EFNB2: variants seen among roughly 807,000 people sequenced by gnomAD.
The protein encoded by EFNB2 is ephrin B2, also known as ephrin-B2.
A neutral mutation model predicts 32.1 loss-of-function variants in EFNB2; 5 were observed. That is an observed-to-expected ratio of 0.16 (90% confidence interval 0.08 to 0.33). EFNB2 has a LOEUF of 0.33. Ranked by LOEUF, EFNB2 falls within the 10% of genes least tolerant of loss-of-function variation. The pLI is 1.00. For missense variants in EFNB2, 263 were observed against 422.6 expected (o/e 0.62, Z 3.31); for synonymous variants, 168 against 166.5 (o/e 1.01, Z -0.07).
At chr13:106,531,333 GAAC>G (rs939539701) in intron 1 of EFNB2, among the ~76,000 whole-genome samples, 32 of 152,228 alleles carry the variant, frequency 2.1e-4, no homozygotes, top group African/African-American at 7.5e-4. Flanking sequence ...TTGTCCTGCA[GAAC>G]AACGACAGTC....
At chr13:106,522,164 G>A (rs1280821557) in intron 1 of EFNB2, among the ~76,000 whole-genome samples, 1 of 152,142 alleles carries the variant, frequency 6.6e-6, no homozygotes, top group Non-Finnish European at 1.5e-5. Flanking sequence ...TATGTACAGT[G>A]GGCAAGTGAG....
chr13:106,516,619 AG>A (rs1293516843), intron 1 of EFNB2: 1 of 152,224 alleles, frequency 6.6e-6, no homozygotes. Context: ...CCCCAAATCA[AG>A]CTGTTCATAG....
intron 2 of EFNB2, among the ~76,000 whole-genome samples, chr13:106,497,064 T>G (rs1262740126): frequency 6.6e-6 from 1 of 152,220 alleles, no homozygotes; most frequent in Non-Finnish European, 1.5e-5. Context: ...ATTCTTCTAA[T>G]GGGATTGTTT....
intron 1 of EFNB2, among the ~76,000 whole-genome samples, chr13:106,534,591 T>C (rs1417733117): frequency 6.6e-6 from 1 of 152,094 alleles, no homozygotes; most frequent in African/African-American, 2.4e-5. Flanking sequence ...CCCGAGCCGA[T>C]AGTAGCTTTT....
intron 1 of EFNB2, among the ~76,000 whole-genome samples, chr13:106,527,375 C>G (rs1038630918): frequency 2.0e-5 from 3 of 152,026 alleles, no homozygotes; most frequent in Admixed American, 6.5e-5. Context: ...GTATGCCCAC[C>G]ACAGAGTAGT....
Position 106,492,768 on chromosome 13 carries a change from CGAG to C in EFNB2, c.*269_*271del. On this transcript the variant is annotated 3_prime_UTR_variant, in exon 5 of 5. Coordinates refer to ENST00000646441, the MANE Select transcript of EFNB2 (RefSeq NM_004093.4). The surrounding 1 kb of genome is among the most constrained non-coding windows in gnomAD (Gnocchi z 5.1). ...CCTGAGTGACCGCAGCACATGGCTTCGAGGAGGAGACGTGGGACGCGGCACAGC... is the reference window on the plus strand; with the variant it reads ...CCTGAGTGACCGCAGCACATGGCTTCGAGGAGACGTGGGACGCGGCACAGC... 2.7e-6 allele frequency: 1 copy of C among 365,592 alleles called. No homozygotes were observed. Among genetic ancestry groups the C allele is most frequent in the Non-Finnish European group, 5.1e-6 (1 of 197,614 alleles). The allele number at this position is 365,592 out of a possible 1,614,324, so 22.6% of individuals were successfully genotyped here. A position where few individuals can be genotyped will look rare whatever the true frequency, so the allele number is the denominator to read the frequency against.
intron 1 of EFNB2, chr13:106,519,960 T>C (rs904212635): frequency 1.3e-5 from 2 of 152,222 alleles, no homozygotes; most frequent in African/African-American, 4.8e-5. Context: ...CTAGTTGAAG[T>C]TGTGGCCTAT....
intron 2 of EFNB2, chr13:106,510,321 T>C (rs1343192954): frequency 6.6e-6 from 1 of 152,274 alleles, no homozygotes; most frequent in African/African-American, 2.4e-5. Flanking sequence ...GCTCACCACA[T>C]TAAGCAAAGA....
Position 106,528,713 on chromosome 13 carries a change from A to G in EFNB2, c.122+6130T>C, listed in dbSNP as rs79583524. On this transcript the variant is annotated intron_variant, in intron 1 of 4. Coordinates refer to ENST00000646441, the MANE Select transcript of EFNB2 (RefSeq NM_004093.4). ...CGGATGTCACTCTGCATGGAACCCAATCGTGGTTTCAATGGCTTATTTTGT... is the reference window on the plus strand; with the variant it reads ...CGGATGTCACTCTGCATGGAACCCAGTCGTGGTTTCAATGGCTTATTTTGT... 8.1e-3 allele frequency among the ~76,000 whole-genome samples: 1,241 copies of G among 152,306 alleles called. 16 individuals carry two copies. Among genetic ancestry groups the G allele is most frequent in the African/African-American group, 0.028 (1,172 of 41,558 alleles).
chr13:106,522,911 G>A (rs1879573817), intron 1 of EFNB2, among the ~76,000 whole-genome samples: 1 of 152,120 alleles, frequency 6.6e-6, no homozygotes, highest in South Asian at 2.1e-4. Context: ...TGTAATTAAA[G>A]AATGAACAAA....
chr13:106,529,170 C>T (rs1879795171), intron 1 of EFNB2, among the ~76,000 whole-genome samples: 1 of 152,152 alleles, frequency 6.6e-6, no homozygotes, highest in Non-Finnish European at 1.5e-5. Flanking sequence ...GGAGAGGGAG[C>T]TGGGTCTGAA....
intron 2 of EFNB2, among the ~76,000 whole-genome samples, chr13:106,504,832 A>G (rs1371376782): frequency 1.3e-5 from 2 of 152,074 alleles, no homozygotes; most frequent in African/African-American, 4.8e-5. Context: ...TACCACCTCT[A>G]CTTGTATGTT....
intron 3 of EFNB2, among the ~76,000 whole-genome samples, chr13:106,495,201 T>G (rs1258868777): frequency 6.6e-6 from 1 of 152,258 alleles, no homozygotes; most frequent in South Asian, 2.1e-4. Context: ...AGGCCATCTG[T>G]GGAAACTATA....
intron 1 of EFNB2, among the ~76,000 whole-genome samples, chr13:106,531,014 G>A (rs762501117): frequency 6.6e-6 from 1 of 152,204 alleles, no homozygotes; most frequent in African/African-American, 2.4e-5. Context: ...GGCCCATGGC[G>A]AATTCACCTG....
chr13:106,503,687 T>C (rs1033498602), intron 2 of EFNB2, among the ~76,000 whole-genome samples: 1 of 152,172 alleles, frequency 6.6e-6, no homozygotes, highest in Non-Finnish European at 1.5e-5. Context: ...CAGGGCCATG[T>C]GGATATCTTG....
intron 1 of EFNB2, chr13:106,517,039 TTC>T (rs1438916613): frequency 6.6e-6 from 1 of 152,222 alleles, no homozygotes; most frequent in African/African-American, 2.4e-5. Context: ...TATATTTGAA[TTC>T]TGTTGCTTTG....
At chr13:106,528,688 C>T (rs149091833) in intron 1 of EFNB2, among the ~76,000 whole-genome samples, 1 of 152,232 alleles carries the variant, frequency 6.6e-6, no homozygotes, top group Non-Finnish European at 1.5e-5. Context: ...GACCCGATTG[C>T]GGATGTCACT....
At chr13:106,505,409 A>G (rs551874392) in intron 2 of EFNB2, among the ~76,000 whole-genome samples, 1 of 152,228 alleles carries the variant, frequency 6.6e-6, no homozygotes, top group East Asian at 1.9e-4. Flanking sequence ...GTACTAAGCT[A>G]CTCACACTAA....
In EFNB2 at chr13:106,490,397, AG is replaced by A. The variant is rs1878358694; in HGVS notation, c.*2642del. 6.6e-6 allele frequency: 1 copy of A among 152,186 alleles called. No homozygotes were observed. The highest frequency in any genetic ancestry group is 6.5e-5 in the Admixed American group (1 of 15,284). 9.4% of individuals were successfully genotyped at this position (152,186 alleles called of 1,614,324 possible). A position where few individuals can be genotyped will look rare whatever the true frequency, so the allele number is the denominator to read the frequency against. ...CCAAAGCTAAACCAACTTCAAACAA[AG>A]GGACAGTTGGTAGATTGTCATATTC... On this transcript the variant is annotated 3_prime_UTR_variant, in exon 5 of 5. Coordinates refer to ENST00000646441, the MANE Select transcript of EFNB2 (RefSeq NM_004093.4).
Sources: allele counts gnomAD v4.1 joint callset (sites outside exome capture counted in the v4.1 genomes callset), GRCh38; gene constraint gnomAD v4.1.1; non-coding constraint Gnocchi (gnomAD v3.1); transcripts MANE v1.5; gene names NCBI Gene and HGNC (gene_info 2026-07-23, HGNC 2026-07-21).